Variants in MCF2 observed in about 807,000 individuals in gnomAD.
MCF2 encodes the protein MCF.2 cell line derived transforming sequence, also known as proto-oncogene DBL.
Under a neutral mutation model 82.5 loss-of-function variants are expected in MCF2, and 44 were observed. The ratio of observed to expected loss-of-function variants is 0.53; its 90% CI spans 0.42 to 0.69. The LOEUF is 0.69. MCF2 is among the 30% of genes least tolerant of loss of function. MCF2 has a pLI of 0.00. For synonymous variants in MCF2, 217 were observed against 224.9 expected (o/e 0.96, Z 0.32); for missense variants, 623 against 663.1 (o/e 0.94, Z 0.66).
intron 1 of MCF2, among the ~76,000 whole-genome samples, chrX:139,652,167 C>G (rs1473256967): frequency 8.9e-6 from 1 of 111,867 alleles, no homozygotes; most frequent in African/African-American, 3.3e-5. Context: ...CTCTACAAAG[C>G]TTTATTAGCA....
At chrX:139,586,510 T>C (rs768017557) in intron 22 of MCF2, 23 bp from the exon 27 acceptor site, 1 of 1,034,101 alleles carries the variant, frequency 9.7e-7, no homozygotes, top group East Asian at 3.0e-5. Context: ...TGTATAAAAC[T>C]AAGTGAGCTT....
chrX:139,676,653 G>T (rs1471436220), intron 1 of MCF2, among the ~76,000 whole-genome samples: 2 of 111,606 alleles, frequency 1.8e-5, no homozygotes, highest in East Asian at 5.6e-4. Context: ...TGGAAAAAAT[G>T]GCAGCACCTA....
At chrX:139,661,812 G>C (rs1157766329) in intron 1 of MCF2, among the ~76,000 whole-genome samples, 1 of 111,395 alleles carries the variant, frequency 9.0e-6, no homozygotes, top group African/African-American at 3.3e-5. Context: ...ATAAATTCCA[G>C]TCTTTTTATA....
At chrX:139,614,011 A>T (rs1931697727) in intron 10 of MCF2, among the ~76,000 whole-genome samples, 1 of 110,717 alleles carries the variant, frequency 9.0e-6, no homozygotes, top group African/African-American at 3.3e-5. Context: ...ATTCCAAAGC[A>T]GTTCTCCTAC....
At chrX:139,615,616 T>G (rs1344849840) in intron 9 of MCF2, among the ~76,000 whole-genome samples, 1 of 111,866 alleles carries the variant, frequency 8.9e-6, no homozygotes, top group African/African-American at 3.2e-5. Context: ...CATTTCTGAT[T>G]TCCTGGGGCA....
chrX:139,625,892 T>C (rs1932740414), intron 6 of MCF2, among the ~76,000 whole-genome samples: 1 of 111,501 alleles, frequency 9.0e-6, no homozygotes, highest in African/African-American at 3.3e-5. Context: ...TAACCTTGAA[T>C]ACCCTTTAGA....
intron 10 of MCF2, among the ~76,000 whole-genome samples, chrX:139,613,710 T>C (rs1931672234): frequency 9.0e-6 from 1 of 111,303 alleles, no homozygotes; most frequent in Non-Finnish European, 1.9e-5. Flanking sequence ...TTCAGTTTTA[T>C]TCTCATAGCT....
At chrX:139,596,935 T>C (rs1008485770) in intron 18 of MCF2, among the ~76,000 whole-genome samples, 165 bp from the exon 23 acceptor site, 1 of 111,230 alleles carries the variant, frequency 9.0e-6, no homozygotes, top group Non-Finnish European at 1.9e-5. Context: ...ACCACATAAG[T>C]ACAAAATTAC....
In MCF2 at chrX:139,671,408, T is replaced by C. The variant is rs925771169; in HGVS notation, c.-44-19620A>G. Among the ~76,000 whole-genome samples the C allele has an allele frequency of 3.6e-5, 4 of 111,746 alleles. No homozygotes were observed. In the Admixed American group the frequency reaches 3.8e-4, roughly 11 times the overall value. ...TTGCCCATGCCTATGTCCTGAATGG[T>C]ATTGCCTAGGTTTTCTTCTAGGGTT... is the stretch of plus-strand genomic sequence containing the variant. On this transcript the variant is annotated intron_variant, in intron 1 of 27. Coordinates refer to the MCF2 transcript ENST00000414978.
At chrX:139,613,048 A>G (rs1416652549) in intron 10 of MCF2, among the ~76,000 whole-genome samples, 168 bp downstream of exon 14, 1 of 112,021 alleles carries the variant, frequency 8.9e-6, no homozygotes, top group Non-Finnish European at 1.9e-5. Flanking sequence ...CAACATAAGC[A>G]TAATACAAAG....
At chrX:139,662,502 A>G (rs73577571) in intron 1 of MCF2, among the ~76,000 whole-genome samples, 74 of 111,430 alleles carry the variant, frequency 6.6e-4, no homozygotes, top group African/African-American at 2.3e-3. Flanking sequence ...GTACTGACAT[A>G]AGGATAGACA....
chrX:139,626,427 C>A (rs1932762982), intron 5 of MCF2, 120 bp from the exon 9 acceptor site: 1 of 575,654 alleles, frequency 1.7e-6, no homozygotes, highest in Non-Finnish European at 2.8e-6. Context: ...ACACTTGGTT[C>A]TACCTATAGA....
rs764882071 is a variant in MCF2 at position 139,616,445 on chromosome X, C to T, written c.1028G>A (p.Cys343Tyr). 10 of 1,134,319 alleles carry T rather than the reference C, an allele frequency of 8.8e-6. No individual in the cohort carries two copies. In the South Asian group the frequency reaches 2.1e-4, roughly 24 times the overall value. 93.5% of individuals were successfully genotyped at this position (1,134,319 alleles called of 1,213,427 possible). A position where few individuals can be genotyped will look rare whatever the true frequency, so the allele number is the denominator to read the frequency against. ...ATCTATTTCCTGATTAGCTAGAAGA[C>T]ATTCCCCTTCATCACAGCATTGACG... is the stretch of plus-strand genomic sequence containing the variant. Residue 343 changes from cysteine (C) to tyrosine (Y), a missense_variant, in exon 9 of 25, where the codon TGT becomes TAT. Coordinates refer to ENST00000370576, the Ensembl canonical transcript of MCF2.
At chrX:139,669,401 G>A (rs1261815967) in intron 1 of MCF2, among the ~76,000 whole-genome samples, 1 of 111,621 alleles carries the variant, frequency 9.0e-6, no homozygotes, top group Non-Finnish European at 1.9e-5. Flanking sequence ...ATTAGTACGT[G>A]GACAAATTGG....
At chrX:139,659,719 A>C (rs994481851) in intron 1 of MCF2, among the ~76,000 whole-genome samples, 2 of 112,214 alleles carry the variant, frequency 1.8e-5, no homozygotes, top group Non-Finnish European at 3.8e-5. Context: ...ATGGTTTCCT[A>C]AAAATAAATA....
At chrX:139,699,521 C>G (rs1016029587) in intron 1 of MCF2, among the ~76,000 whole-genome samples, 1 of 112,127 alleles carries the variant, frequency 8.9e-6, no homozygotes, top group Non-Finnish European at 1.9e-5. Context: ...CACATCACCA[C>G]CAGCCCTAGG....
chrX:139,657,475 C>T (rs1160279919), intron 1 of MCF2, among the ~76,000 whole-genome samples: 2 of 112,256 alleles, frequency 1.8e-5, no homozygotes, highest in African/African-American at 6.5e-5. Flanking sequence ...CTCAATACAG[C>T]ATGTGCTTTA....
chrX:139,597,873 T>A (rs1401291547), intron 17 of MCF2, among the ~76,000 whole-genome samples: 1 of 111,762 alleles, frequency 8.9e-6, no homozygotes, highest in Non-Finnish European at 1.9e-5. Context: ...CCATTACATG[T>A]AGGGTTCTTT....
chrX:139,593,665 G>A (rs1194212255), intron 19 of MCF2, among the ~76,000 whole-genome samples: 2 of 111,364 alleles, frequency 1.8e-5, no homozygotes, highest in East Asian at 5.6e-4. Context: ...GAATCCAGCA[G>A]CACATCAAAA....
Sources: allele counts gnomAD v4.1 joint callset (sites outside exome capture counted in the v4.1 genomes callset), GRCh38; gene constraint gnomAD v4.1.1; transcripts MANE v1.5; gene names NCBI Gene and HGNC (gene_info 2026-07-23, HGNC 2026-07-21).